SATB2: variants seen among roughly 807,000 people sequenced by gnomAD.
SATB2 encodes the protein SATB homeobox 2.
In SATB2, 1 loss-of-function variant was observed where a neutral mutation model predicts 73.4. The ratio of observed to expected loss-of-function variants is 0.01; its 90% CI spans 0.00 to 0.06. The LOEUF (loss-of-function observed/expected upper bound fraction) is 0.06. Ranked by LOEUF, SATB2 falls within the 10% of genes least tolerant of loss-of-function variation. SATB2 has a pLI of 1.00. For missense variants in SATB2, 459 were observed against 945.8 expected, an observed-to-expected ratio of 0.49 and a Z score of 6.75; for synonymous variants, 397 against 367.0, an observed-to-expected ratio of 1.08 and a Z score of -0.93.
chr2:199,342,444 A>G (rs925574287), intron 7 of SATB2, among the ~76,000 whole-genome samples: 16 of 149,576 alleles, frequency 1.1e-4, no homozygotes, highest in African/African-American at 3.9e-4. Context: ...AAAAAAAAAG[A>G]GTGGTGATAC....
intron 5 of SATB2, among the ~76,000 whole-genome samples, chr2:199,374,742 T>G (rs1483764407): frequency 1.3e-5 from 2 of 151,910 alleles, no homozygotes; most frequent in Non-Finnish European, 1.5e-5. Flanking sequence ...GGCAGGAGGG[T>G]CACTTGGGGT....
At chr2:199,465,525 GA>G (rs1171501710), upstream of SATB2, among the ~76,000 whole-genome samples, 1 of 152,088 alleles carries the variant, frequency 6.6e-6, no homozygotes, top group Non-Finnish European at 1.5e-5. Context: ...CAATCTTCTT[GA>G]AAACCAGTTC....
chr2:199,422,902 T>C (rs1691214505), intron 3 of SATB2, among the ~76,000 whole-genome samples: 1 of 152,202 alleles, frequency 6.6e-6, no homozygotes, highest in Non-Finnish European at 1.5e-5. Flanking sequence ...AGCAAAACCA[T>C]GACTTAATAT....
chr2:199,417,270 A>G (rs540109643), intron 3 of SATB2, among the ~76,000 whole-genome samples: 10 of 152,256 alleles, frequency 6.6e-5, no homozygotes, highest in African/African-American at 2.4e-4. Flanking sequence ...AAAAGGAACC[A>G]TGATTCAAGG....
At chr2:199,371,819 T>C (rs1689456754) in intron 5 of SATB2, among the ~76,000 whole-genome samples, 2 of 152,192 alleles carry the variant, frequency 1.3e-5, no homozygotes, top group Admixed American at 1.3e-4. Flanking sequence ...GCAATACTAA[T>C]ACAAATAACC....
At chr2:199,467,740 G>A (rs1034261421), upstream of SATB2, among the ~76,000 whole-genome samples, 3 of 152,114 alleles carry the variant, frequency 2.0e-5, no homozygotes, top group Non-Finnish European at 4.4e-5. Context: ...CATCCCTACC[G>A]CAATATACCC....
chr2:199,375,807 T>A (rs890623710), intron 5 of SATB2, among the ~76,000 whole-genome samples: 5 of 152,166 alleles, frequency 3.3e-5, no homozygotes, highest in African/African-American at 1.2e-4. Context: ...TTGAAAGGGT[T>A]TTAGTTCCTC....
intron 2 of SATB2, among the ~76,000 whole-genome samples, chr2:199,446,651 C>CT (rs1691970229): frequency 6.6e-6 from 1 of 152,204 alleles, no homozygotes; most frequent in African/African-American, 2.4e-5. Context: ...TTCATCAACA[C>CT]TGTTAGGTTA....
intron 10 of SATB2, among the ~76,000 whole-genome samples, chr2:199,283,339 C>T (rs1294934382): frequency 6.6e-6 from 1 of 151,054 alleles, no homozygotes; most frequent in East Asian, 2.0e-4. Flanking sequence ...ATCCACCCAC[C>T]TCTGCCTCCC....
At chr2:199,320,684 T>C (rs527299857) in intron 9 of SATB2, among the ~76,000 whole-genome samples, 10 of 152,288 alleles carry the variant, frequency 6.6e-5, no homozygotes, top group African/African-American at 2.4e-4. Flanking sequence ...ACTCCTTTTC[T>C]GAACCCCTAT....
At chr2:199,423,873 T>C (rs1452386582) in intron 3 of SATB2, 1 of 152,082 alleles carries the variant, frequency 6.6e-6, no homozygotes, top group Non-Finnish European at 1.5e-5. Flanking sequence ...TTCTAGGAGA[T>C]TTTCAGCATC....
At chr2:199,336,778 C>A (rs952013595) in intron 7 of SATB2, among the ~76,000 whole-genome samples, 1 of 152,188 alleles carries the variant, frequency 6.6e-6, no homozygotes, top group Admixed American at 6.6e-5. Flanking sequence ...ATCTTCCACT[C>A]TGTGGTAGCA....
intron 10 of SATB2, among the ~76,000 whole-genome samples, chr2:199,291,843 G>A (rs1021421383): frequency 4.0e-5 from 6 of 151,784 alleles, no homozygotes; most frequent in South Asian, 4.2e-4. Context: ...ACTGGGAGGC[G>A]GAGGTTGCAA....
At chr2:199,429,736 C>G (rs1691443354) in intron 3 of SATB2, among the ~76,000 whole-genome samples, 1 of 152,052 alleles carries the variant, frequency 6.6e-6, no homozygotes, top group South Asian at 2.1e-4. Flanking sequence ...ATGGTGAAAC[C>G]CCATCTTTAC....
rs563114004 is a variant in SATB2 at position 199,430,712 on chromosome 2, G to A, written c.346+2626C>T. On this transcript the variant is annotated intron_variant, in intron 3 of 10. Transcript: ENST00000417098. ...TAATAAAAATTCAACTCACCTGGAG[G>A]GAATACCCTCTGAGAAAAAGAAACT... Among the ~76,000 whole-genome samples the A allele has an allele frequency of 8.5e-5, 13 of 152,204 alleles. No homozygotes were observed. The East Asian group carries it at 2.5e-3, about 29-fold the overall frequency.
At chr2:199,339,718 A>T (rs1197540944) in intron 7 of SATB2, among the ~76,000 whole-genome samples, 2 of 152,178 alleles carry the variant, frequency 1.3e-5, no homozygotes, top group African/African-American at 4.8e-5. Flanking sequence ...AGGCTGACAG[A>T]ATTCTGAATA....
intron 10 of SATB2, among the ~76,000 whole-genome samples, chr2:199,301,228 T>C (rs1687281211): frequency 6.6e-6 from 1 of 152,110 alleles, no homozygotes; most frequent in South Asian, 2.1e-4. Context: ...AAATCTCCCT[T>C]AGGCATTGGT....
intron 3 of SATB2, among the ~76,000 whole-genome samples, chr2:199,409,644 A>G (rs1184216925): frequency 7.3e-6 from 1 of 136,240 alleles, no homozygotes; most frequent in East Asian, 2.0e-4. Flanking sequence ...AAAAAAACCA[A>G]GACAAGTTTT....
In SATB2 at chr2:199,303,673, T is replaced by C. The variant is rs1358583948; in HGVS notation, c.1740+5087A>G. Among the ~76,000 whole-genome samples, 4 of 152,220 alleles carry C rather than the reference T, an allele frequency of 2.6e-5. No homozygotes were observed. In the East Asian group the frequency reaches 7.7e-4, roughly 29 times the overall value. On this transcript the variant is annotated intron_variant, in intron 10 of 10. Transcript: ENST00000417098. ...AATAACCAAAAATGACTCCAGATATTGCCAAAATATCCCATGGAAGCAAAA... is the reference window on the plus strand; with the variant it reads ...AATAACCAAAAATGACTCCAGATATCGCCAAAATATCCCATGGAAGCAAAA...
Sources: gnomAD v4.1 joint callset for allele counts (sites outside exome capture counted in the v4.1 genomes callset) on GRCh38, gnomAD v4.1.1 for gene constraint, MANE v1.5 for transcripts, NCBI Gene and HGNC (gene_info 2026-07-23, HGNC 2026-07-21) for gene names.